Variants in CFAP299 observed in about 807,000 individuals in gnomAD.
CFAP299 encodes cilia- and flagella-associated protein 299.
Under a neutral mutation model 27.0 loss-of-function variants are expected in CFAP299, and 21 were observed. That is an observed-to-expected ratio of 0.78 (90% CI 0.55 to 1.12). The LOEUF (loss-of-function observed/expected upper bound fraction) is 1.12. Among genes scored for constraint, CFAP299 ranks in the 50% most tolerant of loss-of-function variants. The pLI is 0.00. For synonymous variants in CFAP299, 104 were observed against 98.1 expected, an observed-to-expected ratio of 1.06 and a Z score of -0.36; for missense variants, 310 against 276.6, an observed-to-expected ratio of 1.12 and a Z score of -0.86.
intron 2 of CFAP299, among the ~76,000 whole-genome samples, chr4:80,537,638 G>C (rs1426736306): frequency 6.6e-6 from 1 of 152,126 alleles, no homozygotes; most frequent in African/African-American, 2.4e-5. Flanking sequence ...AAAGAGTTGA[G>C]CTTGTAGAAC....
At chr4:80,717,779 G>A (rs981283762) in intron 3 of CFAP299, among the ~76,000 whole-genome samples, 1 of 151,982 alleles carries the variant, frequency 6.6e-6, no homozygotes, top group Non-Finnish European at 1.5e-5. Flanking sequence ...AAAAATGCAG[G>A]AAAAATAGTC....
At chr4:80,701,417 G>A (rs576785712) in intron 3 of CFAP299, among the ~76,000 whole-genome samples, 4 of 152,138 alleles carry the variant, frequency 2.6e-5, no homozygotes, top group Non-Finnish European at 4.4e-5. Context: ...AGCTAAATGT[G>A]TTGGTTTTGT....
At chr4:80,331,173 AC>A (rs932182458), upstream of CFAP299, among the ~76,000 whole-genome samples, 1 of 152,176 alleles carries the variant, frequency 6.6e-6, no homozygotes, top group Admixed American at 6.5e-5. Context: ...CATGTTTGAG[AC>A]CCAGCAGCAA....
chr4:80,354,632 T>G (rs959582989), intron 1 of CFAP299, among the ~76,000 whole-genome samples: 10 of 152,276 alleles, frequency 6.6e-5, no homozygotes, highest in African/African-American at 2.4e-4. Context: ...GTATTAAACC[T>G]AGTACCCATA....
At chr4:80,957,268 T>C (rs1738117978) in intron 5 of CFAP299, among the ~76,000 whole-genome samples, 1 of 152,178 alleles carries the variant, frequency 6.6e-6, no homozygotes. Flanking sequence ...GCAGTAATCT[T>C]TTCACAGCTC....
intron 2 of CFAP299, among the ~76,000 whole-genome samples, chr4:80,400,701 A>C (rs1445943702): frequency 6.6e-6 from 1 of 152,154 alleles, no homozygotes; most frequent in Non-Finnish European, 1.5e-5. Context: ...TAATACAGTA[A>C]ATTTGTACCA....
intron 3 of CFAP299, among the ~76,000 whole-genome samples, chr4:80,635,136 T>A (rs1739415333): frequency 6.6e-6 from 1 of 152,136 alleles, no homozygotes; most frequent in African/African-American, 2.4e-5. Flanking sequence ...TTTATTAAGT[T>A]ATATAATTCT....
rs565130064 is a variant in CFAP299, at chr4:80,386,517, G to T, written c.242+23633G>T. The T allele has an allele frequency of 3.1e-3, 4,629 of 1,489,396 alleles. 115 individuals are homozygous for T. The African/African-American group carries it at 0.059, about 19-fold the overall frequency. The allele number at this position is 1,489,396 out of a possible 1,614,324, so 92.3% of individuals were successfully genotyped here. On this transcript the variant is annotated intron_variant, in intron 2 of 5. Coordinates refer to ENST00000358105, the MANE Select transcript of CFAP299 (RefSeq NM_152770.3). ...CCTCTTCTCGCGGGCGGTGGTGGGG[G>T]GGGGGGGTGCCGCCGGGTTTGCAGG...
chr4:80,839,337 A>C (rs1730738888), intron 3 of CFAP299, among the ~76,000 whole-genome samples: 1 of 152,142 alleles, frequency 6.6e-6, no homozygotes, highest in Non-Finnish European at 1.5e-5. Context: ...GTCCTTAAAA[A>C]CACTTACTAT....
At chr4:80,711,993 C>T (rs1722202064) in intron 3 of CFAP299, among the ~76,000 whole-genome samples, 2 of 152,146 alleles carry the variant, frequency 1.3e-5, no homozygotes, top group African/African-American at 4.8e-5. Context: ...GAGTCTCCTT[C>T]CTGGTTACTT....
chr4:80,491,519 A>AT (rs1261060903), intron 2 of CFAP299, among the ~76,000 whole-genome samples: 1 of 152,132 alleles, frequency 6.6e-6, no homozygotes, highest in African/African-American at 2.4e-5. Context: ...TTTTTGTTGT[A>AT]TTCAGATAAA....
intron 4 of CFAP299, among the ~76,000 whole-genome samples, chr4:80,922,155 G>A (rs1037777697): frequency 6.6e-6 from 1 of 152,102 alleles, no homozygotes; most frequent in East Asian, 1.9e-4. Context: ...AATGACAGAA[G>A]TTGAAGTTAT....
At chr4:80,819,667 A>C (rs779392779) in intron 3 of CFAP299, among the ~76,000 whole-genome samples, 1 of 152,330 alleles carries the variant, frequency 6.6e-6, no homozygotes, top group Non-Finnish European at 1.5e-5. Context: ...TGATTTTAAT[A>C]ATTTTTTTCT....
In CFAP299 at chr4:80,601,073, A is replaced by G. The variant is rs75876945; in HGVS notation, c.333+17890A>G. Among the ~76,000 whole-genome samples the G allele has an allele frequency of 4.5e-3, 688 of 152,256 alleles. 5 individuals are homozygous for G. The highest frequency in any genetic ancestry group is 0.013 in the African/African-American group (538 of 41,552). Reference sequence around the variant, plus strand: ...TATGAGAGTGTTATATAAAGCTGCAACCTTCCCAGATGGTTAGAGAGAAGA... The same window carrying G: ...TATGAGAGTGTTATATAAAGCTGCAGCCTTCCCAGATGGTTAGAGAGAAGA... On this transcript the variant is annotated intron_variant, in intron 3 of 5. Coordinates refer to ENST00000358105, the MANE Select transcript of CFAP299 (RefSeq NM_152770.3).
At chr4:80,372,372 C>T (rs1003245769) in intron 2 of CFAP299, among the ~76,000 whole-genome samples, 10 of 152,196 alleles carry the variant, frequency 6.6e-5, no homozygotes, top group Non-Finnish European at 1.2e-4. Context: ...TCAAACCATA[C>T]GAATGGGTTC....
intron 4 of CFAP299, among the ~76,000 whole-genome samples, chr4:80,884,344 T>C (rs1210586635): frequency 6.6e-6 from 1 of 152,118 alleles, no homozygotes; most frequent in Non-Finnish European, 1.5e-5. Context: ...TGAAACTAGA[T>C]ATAAATAGGA....
chr4:80,484,258 A>G (rs1469175999), intron 2 of CFAP299, among the ~76,000 whole-genome samples: 1 of 152,120 alleles, frequency 6.6e-6, no homozygotes, highest in Non-Finnish European at 1.5e-5. Context: ...ATTAGCATAT[A>G]ACTTTTAAAA....
intron 3 of CFAP299, among the ~76,000 whole-genome samples, chr4:80,734,578 G>A (rs1413887295): frequency 6.6e-6 from 1 of 152,054 alleles, no homozygotes; most frequent in African/African-American, 2.4e-5. Flanking sequence ...AGTGTTTTAT[G>A]TAGTAGTTTC....
At chr4:80,783,504 C>T (rs1727052421) in intron 3 of CFAP299, among the ~76,000 whole-genome samples, 2 of 152,286 alleles carry the variant, frequency 1.3e-5, no homozygotes, top group East Asian at 3.9e-4. Flanking sequence ...TATTCAAAAA[C>T]TCATTTTCCT....
Sources: gnomAD v4.1 joint callset for allele counts (sites outside exome capture counted in the v4.1 genomes callset) on GRCh38, gnomAD v4.1.1 for gene constraint, MANE v1.5 for transcripts, NCBI Gene and HGNC (gene_info 2026-07-23, HGNC 2026-07-21) for gene names.